Variants in KIAA1217 observed in about 807,000 individuals in gnomAD.
KIAA1217 encodes the protein sickle tail protein homolog.
KIAA1217 carries 88 observed loss-of-function variants against 163.9 expected under a neutral mutation model. The observed-to-expected ratio is 0.54, with a 90% CI of 0.45 to 0.64. The LOEUF (loss-of-function observed/expected upper bound fraction) is 0.64. Ranked by LOEUF, KIAA1217 falls within the 30% of genes least tolerant of loss-of-function variation. KIAA1217 has a pLI of 0.00. For synonymous variants in KIAA1217, 903 were observed against 923.1 expected (o/e 0.98, Z 0.39); for missense variants, 2,372 against 2,475.0 (o/e 0.96, Z 0.88).
chr10:24,415,818 G>A (rs2058201555), intron 3 of KIAA1217, among the ~76,000 whole-genome samples: 1 of 152,222 alleles, frequency 6.6e-6, no homozygotes, highest in African/African-American at 2.4e-5. Flanking sequence ...CTGAGAGAAG[G>A]ACATTCCAGT....
chr10:24,203,286 G>A (rs552151987), intron 2 of KIAA1217, among the ~76,000 whole-genome samples: 25 of 152,126 alleles, frequency 1.6e-4, no homozygotes, highest in Non-Finnish European at 3.2e-4. Context: ...TTGAGGGGTC[G>A]CCTTGGACAA....
At position 24,543,435 on chromosome 10, in the gene KIAA1217, G is replaced by A. The variant is rs770707771; in HGVS notation, c.4165G>A (p.Glu1389Lys). ...ATDNIAFMIT[E>K]TTVQVLSSGE... The stretch of plus-strand genomic sequence containing the variant: ...TGACAATATTGCCTTCATGATTACC[G>A]AAACCACTGTCCAGGTTCTTTCCAG... The change falls in exon 19 of 21, where the codon GAA (glutamate) becomes AAA (lysine). Residue 1389 changes from glutamate (E) to lysine (K), a missense_variant. Physicochemically the swap from Glu to Lys is moderately conservative, Grantham distance 56. Around this residue, in one of 3 missense-constraint regions of KIAA1217, gnomAD observed 251 missense variants for 327.3 expected, o/e 0.77. Transcript: ENST00000376454. The A allele has an allele frequency of 2.3e-5, 37 of 1,613,996 alleles. No homozygotes were observed. Among genetic ancestry groups the A allele is most frequent in the Non-Finnish European group, 2.7e-5 (32 of 1,180,024 alleles).
intron 2 of KIAA1217, among the ~76,000 whole-genome samples, chr10:24,125,868 G>A (rs1460574357): frequency 2.6e-5 from 4 of 151,902 alleles, no homozygotes; most frequent in South Asian, 2.1e-4. Context: ...AAGATATTTC[G>A]CTGATTACTG....
At chr10:23,939,333 G>A (rs779142108) in intron 1 of KIAA1217, among the ~76,000 whole-genome samples, 10 of 150,846 alleles carry the variant, frequency 6.6e-5, no homozygotes, top group East Asian at 3.9e-4. Flanking sequence ...ATCCCTATAC[G>A]GGGAGGCATG....
At chr10:24,254,994 C>T (rs1292325639) in intron 2 of KIAA1217, among the ~76,000 whole-genome samples, 1 of 152,024 alleles carries the variant, frequency 6.6e-6, no homozygotes, top group Non-Finnish European at 1.5e-5. Flanking sequence ...GCTGGGATTA[C>T]AGGAGCCCGC....
intron 6 of KIAA1217, among the ~76,000 whole-genome samples, chr10:24,478,547 G>A (rs1319202989): frequency 6.6e-6 from 1 of 152,148 alleles, no homozygotes; most frequent in African/African-American, 2.4e-5. Context: ...AGCCATTCTA[G>A]TGTCTGAGCT....
rs745819970 is a variant in KIAA1217, at chr10:24,546,497, G to C, written c.*173G>C. 9 of 739,234 alleles carry C rather than the reference G, an allele frequency of 1.2e-5. No individual in the cohort carries two copies. The highest frequency in any genetic ancestry group is 2.8e-5 in the East Asian group (1 of 36,040). 45.8% of individuals were successfully genotyped at this position (739,234 alleles called of 1,614,324 possible). On this transcript the variant is annotated 3_prime_UTR_variant, in exon 21 of 21. Transcript: ENST00000376454. ...TCAGTAAAGCTCGTTCGTTTTGTTT[G>C]GTTTTCTTTTTACCTAGTTGCTATA...
At chr10:23,867,973 T>C (rs1003438502) in intron 1 of KIAA1217, among the ~76,000 whole-genome samples, 30 of 152,184 alleles carry the variant, frequency 2.0e-4, no homozygotes, top group Non-Finnish European at 1.5e-5. Context: ...TCTAGGATTT[T>C]TATGGTTTTA....
chr10:24,516,419 G>C (rs1372512031), intron 10 of KIAA1217, among the ~76,000 whole-genome samples: 1 of 152,248 alleles, frequency 6.6e-6, no homozygotes, highest in African/African-American at 2.4e-5. Context: ...GATTCTGTAA[G>C]AGAAACCTGG....
chr10:24,013,877 G>A (rs116746003), intron 2 of KIAA1217, among the ~76,000 whole-genome samples: 2,671 of 152,190 alleles, frequency 0.018, 84 homozygotes, highest in African/African-American at 0.062. Context: ...CAAAAGTAGA[G>A]GGAAAGATGT....
chr10:24,501,603 T>G (rs1343803555), intron 9 of KIAA1217, 58 bp downstream of exon 9: 3 of 1,515,794 alleles, frequency 2.0e-6, no homozygotes, highest in Non-Finnish European at 2.7e-6. Flanking sequence ...CCTACCTTCC[T>G]TTTCCTAGGG....
intron 1 of KIAA1217, among the ~76,000 whole-genome samples, chr10:23,899,687 A>G (rs1335250183): frequency 6.6e-6 from 1 of 152,096 alleles, no homozygotes; most frequent in Non-Finnish European, 1.5e-5. Context: ...AATGAAAGGT[A>G]TCATGCGGTC....
chr10:24,397,527 G>A (rs2055960819), intron 3 of KIAA1217, among the ~76,000 whole-genome samples: 1 of 152,172 alleles, frequency 6.6e-6, no homozygotes, highest in Non-Finnish European at 1.5e-5. Flanking sequence ...AGCCTTGTCT[G>A]TAGAACCTAC....
chr10:24,493,891 C>T (rs1020429703), intron 6 of KIAA1217, among the ~76,000 whole-genome samples: 1 of 152,146 alleles, frequency 6.6e-6, no homozygotes, highest in African/African-American at 2.4e-5. Flanking sequence ...AACTCCTGAC[C>T]TCAGGTGATC....
Position 24,543,985 on chromosome 10 carries a change from A to G in KIAA1217, c.4715A>G (p.Lys1572Arg), listed in dbSNP as rs368936784. 5.0e-6 allele frequency: 8 copies of G among 1,614,008 alleles called. No homozygotes were observed. The African/African-American group carries it at 5.3e-5, about 11-fold the overall frequency. Residue 1572 changes from lysine (K) to arginine (R), a missense_variant, in exon 19 of 21, where the codon AAG becomes AGG. Lys to Arg is a conservative substitution (Grantham distance 26). Transcript: ENST00000376454. Reference protein sequence around the residue: ...TDDQFESPKKKFKFKFPKKQL... With the variant: ...TDDQFESPKKRFKFKFPKKQL... ...GACCAGTTTGAAAGCCCCAAGAAAAAGTTTAAATTCAAATTCCCTAAGAAG... is the reference window on the plus strand; with the variant it reads ...GACCAGTTTGAAAGCCCCAAGAAAAGGTTTAAATTCAAATTCCCTAAGAAG...
chr10:24,123,134 TTG>T (rs35526705), intron 2 of KIAA1217, among the ~76,000 whole-genome samples: 1,800 of 148,094 alleles, frequency 0.012, 11 homozygotes, highest in African/African-American at 0.015. Flanking sequence ...TACTGTGTGT[TTG>T]TGTGTGTGTG....
intron 2 of KIAA1217, among the ~76,000 whole-genome samples, chr10:24,164,615 A>T (rs2065261342): frequency 6.6e-6 from 1 of 152,206 alleles, no homozygotes; most frequent in South Asian, 2.1e-4. Context: ...TGTGAGTTTC[A>T]GGAGACACTT....
chr10:24,456,116 G>T (rs1270491849), intron 5 of KIAA1217, among the ~76,000 whole-genome samples: 1 of 152,142 alleles, frequency 6.6e-6, no homozygotes, highest in Admixed American at 6.5e-5. Flanking sequence ...AAACTCCCGA[G>T]CTCAAGTGAT....
chr10:24,444,893 C>G (rs1353401170), intron 5 of KIAA1217, among the ~76,000 whole-genome samples: 1 of 152,132 alleles, frequency 6.6e-6, no homozygotes, highest in Non-Finnish European at 1.5e-5. Flanking sequence ...TTCCTGGACT[C>G]TCTTTTTAAT....
Sources: gnomAD v4.1 joint callset for allele counts (sites outside exome capture counted in the v4.1 genomes callset) on GRCh38, gnomAD v4.1.1 for gene constraint, gnomAD v4.1.1 regional missense constraint, MANE v1.5 for transcripts, NCBI Gene and HGNC (gene_info 2026-07-23, HGNC 2026-07-21) for gene names.